IMPDH1: variants seen among roughly 807,000 people sequenced by gnomAD.
IMPDH1 encodes inosine monophosphate dehydrogenase 1, also known as inosine-5'-monophosphate dehydrogenase 1.
A neutral mutation model predicts 73.5 loss-of-function variants in IMPDH1; 41 were observed. The ratio of observed to expected loss-of-function variants is 0.56; its 90% confidence interval spans 0.43 to 0.72. The LOEUF is 0.72. Ranked by LOEUF, IMPDH1 falls within the 30% of genes least tolerant of loss-of-function variation. The probability of loss-of-function intolerance (pLI) is 0.00; values close to 1 mark genes in which losing one functional copy is unlikely to be tolerated. For missense variants in IMPDH1, 645 were observed against 824.8 expected, an observed-to-expected ratio of 0.78 and a Z score of 2.67; for synonymous variants, 318 against 334.3, an observed-to-expected ratio of 0.95 and a Z score of 0.53.
At position 128,400,828 on chromosome 7, in the gene IMPDH1, G is replaced by C; in HGVS notation, c.568C>G (p.Arg190Gly). The change falls in exon 7 of 17, where the codon CGG (arginine) becomes GGG (glycine). Residue 190 changes from arginine (R) to glycine (G), a missense_variant. Arg to Gly is a moderately radical substitution (Grantham distance 125, BLOSUM62 -2). Coordinates refer to ENST00000338791, the MANE Select transcript of IMPDH1 (RefSeq NM_000883.4). ...CTPEFQANEVRKVKKFEQGFI... is the reference protein window; with the variant it reads ...CTPEFQANEVGKVKKFEQGFI... The stretch of plus-strand genomic sequence containing the variant: ...GGCCTGGTACTTGCCTTGACCTTCC[G>C]CACCTCGTTGGCCTGGAACTCTGGG... 6.2e-7 allele frequency: 1 copy of C among 1,614,056 alleles called. No individual in the cohort carries two copies. The highest frequency in any genetic ancestry group is 8.5e-7 in the Non-Finnish European group (1 of 1,179,896).
At chr7:128,399,259 G>A (rs541578734) in intron 9 of IMPDH1, among the ~76,000 whole-genome samples, 7 of 151,642 alleles carry the variant, frequency 4.6e-5, no homozygotes, top group Admixed American at 1.3e-4. Flanking sequence ...CCAACTACTC[G>A]GGAGGCTGAG....
chr7:128,401,945 T>G (rs1050061244), intron 5 of IMPDH1, among the ~76,000 whole-genome samples: 3 of 152,204 alleles, frequency 2.0e-5, no homozygotes, highest in African/African-American at 7.2e-5. Context: ...GTAATTTTTT[T>G]AGATTCAAAG....
chr7:128,401,412 C>T (rs1584738261), intron 5 of IMPDH1, among the ~76,000 whole-genome samples: 1 of 152,140 alleles, frequency 6.6e-6, no homozygotes, highest in Admixed American at 6.5e-5. Flanking sequence ...GGGAGGTGAC[C>T]AGTGGGAGCC....
intron 3 of IMPDH1, among the ~76,000 whole-genome samples, chr7:128,408,653 G>A (rs1014389342): frequency 6.6e-6 from 1 of 152,172 alleles, no homozygotes; most frequent in Non-Finnish European, 1.5e-5. Flanking sequence ...CATGGCTCCG[G>A]CCTGAGCTCT....
intron 5 of IMPDH1, 23 bp from the exon 6 acceptor site, chr7:128,401,139 C>T (rs1333463505): frequency 5.7e-6 from 9 of 1,579,978 alleles, no homozygotes; most frequent in African/African-American, 1.3e-5. Context: ...GCACAGCCCA[C>T]GTAAAGAGTT....
chr7:128,397,762 G>A (rs1006006612), intron 10 of IMPDH1, among the ~76,000 whole-genome samples: 1 of 151,960 alleles, frequency 6.6e-6, no homozygotes. Context: ...GATTCAGTGG[G>A]TACATGTGCT....
At chr7:128,406,904 T>C (rs1798814820) in intron 3 of IMPDH1, among the ~76,000 whole-genome samples, 2 of 152,126 alleles carry the variant, frequency 1.3e-5, no homozygotes, top group South Asian at 4.1e-4. Context: ...AGGGAACTTC[T>C]GAAAAATCCC....
At position 128,398,828 on chromosome 7, in the gene IMPDH1, G is replaced by A. The variant is rs996664874; in HGVS notation, c.875-215C>T. 1.3e-5 allele frequency among the ~76,000 whole-genome samples: 2 copies of A among 152,174 alleles called. No individual in the cohort carries two copies. The highest frequency in any genetic ancestry group is 1.3e-4 in the Admixed American group (2 of 15,288). On this transcript the variant is annotated intron_variant, in intron 9 of 16. Coordinates refer to ENST00000338791, the MANE Select transcript of IMPDH1 (RefSeq NM_000883.4). This position sits in a 1 kb window ranked among gnomAD's most constrained non-coding sequence, Gnocchi z 4.3. ...GCAAAGAAATCTTTCAGCCCAGCAGGTTCCTGGGGGTCTGTGGATGGGCAT... is the reference window on the plus strand; with the variant it reads ...GCAAAGAAATCTTTCAGCCCAGCAGATTCCTGGGGGTCTGTGGATGGGCAT...
chr7:128,394,804 C>T lies in IMPDH1; in HGVS notation c.1550+85G>A. The T allele has an allele frequency of 6.5e-7, 1 of 1,533,208 alleles. No homozygotes were observed. Among genetic ancestry groups the T allele is most frequent in the Non-Finnish European group, 9.0e-7 (1 of 1,114,156 alleles). 95.0% of individuals were successfully genotyped at this position (1,533,208 alleles called of 1,614,324 possible). ...TCCAGAACCACCATATGGGGACTGG[C>T]TGCCATCTGGGGAAGTCGGTGGCAT... is the stretch of plus-strand genomic sequence containing the variant. On this transcript the variant is annotated intron_variant, in intron 14 of 16. Transcript: ENST00000338791. This position sits in a 1 kb window ranked among gnomAD's most constrained non-coding sequence, Gnocchi z 5.5.
chr7:128,397,308 A>G (rs1797992621), intron 10 of IMPDH1, among the ~76,000 whole-genome samples: 1 of 152,182 alleles, frequency 6.6e-6, no homozygotes, highest in South Asian at 2.1e-4. Context: ...GCAAGGAGAC[A>G]CTGCCTGGAG....
chr7:128,409,483 G>A lies in IMPDH1; in HGVS notation c.148C>T (p.Pro50Ser). 6.2e-7 allele frequency: 1 copy of A among 1,614,166 alleles called. No individual in the cohort carries two copies. ...LLQAGYEPESPRLDLATHPTT... is the reference protein window; with the variant it reads ...LLQAGYEPESSRLDLATHPTT... ...GGGTGTGTAGCGAGGTCCAATCTAGGGCTAAGATTTTAGGGAAGGTTTTTA... is the reference window on the plus strand; with the variant it reads ...GGGTGTGTAGCGAGGTCCAATCTAGAGCTAAGATTTTAGGGAAGGTTTTTA... The change falls in exon 2 of 17, where the codon CCT becomes TCT. Residue 50 changes from proline to serine, a missense_variant and splice_region_variant. Pro to Ser is a moderately conservative substitution (Grantham distance 74). Around this residue, in one of 2 missense-constraint regions of IMPDH1, gnomAD observed 186 missense variants for 186.6 expected, o/e 1.00. Transcript: ENST00000338791.
intron 6 of IMPDH1, 47 bp downstream of exon 6, chr7:128,400,968 G>GTCAGT (rs1798294079): frequency 6.3e-7 from 1 of 1,597,414 alleles, no homozygotes; most frequent in Non-Finnish European, 8.6e-7. Context: ...GCCCACCATG[G>GTCAGT]TCAGTTCCTG....
intron 10 of IMPDH1, among the ~76,000 whole-genome samples, 172 bp from the exon 11 acceptor site, chr7:128,397,194 G>GTTTT (rs1797985034): frequency 6.9e-6 from 1 of 145,826 alleles, no homozygotes. Flanking sequence ...ACAACTTTCA[G>GTTTT]TCAATTCTCA....
At position 128,392,689 on chromosome 7, in the gene IMPDH1, C is replaced by T. The variant is rs1797614589; in HGVS notation, c.*318G>A. On this transcript the variant is annotated 3_prime_UTR_variant, in exon 17 of 17. Coordinates refer to ENST00000338791, the MANE Select transcript of IMPDH1 (RefSeq NM_000883.4). ...TACAGGAGAAGCCAGGAGGGGCCGC[C>T]TGCCCCTGGGGTGGGGGCCAGGCTG... The T allele has an allele frequency of 2.6e-6, 1 of 390,084 alleles. No individual in the cohort carries two copies. The allele number at this position is 390,084 out of a possible 1,614,324, so 24.2% of individuals were successfully genotyped here.
rs376832368 is a variant in IMPDH1 at position 128,394,414 on chromosome 7, G to A, written c.1694+42C>T. On this transcript the variant is annotated intron_variant, in intron 15 of 16. Coordinates refer to ENST00000338791, the MANE Select transcript of IMPDH1 (RefSeq NM_000883.4). This position sits in a 1 kb window ranked among gnomAD's most constrained non-coding sequence, Gnocchi z 5.5. ...AGGGCCACCAAGGGTGGAGAAGAGC[G>A]AGAGAAAGGAAGCAGGAGCCACCCC... 5.6e-5 allele frequency: 91 copies of A among 1,613,646 alleles called. No individual in the cohort carries two copies. Among genetic ancestry groups the A allele is most frequent in the Non-Finnish European group, 7.2e-5 (85 of 1,179,768 alleles).
chr7:128,409,898 C>A lies in IMPDH1; in HGVS notation c.4G>T (p.Glu2Ter). 1 of 1,417,712 alleles carries A rather than the reference C, an allele frequency of 7.1e-7. No individual in the cohort carries two copies. Among genetic ancestry groups the A allele is most frequent in the Non-Finnish European group, 9.2e-7 (1 of 1,089,594 alleles). The allele number at this position is 1,417,712 out of a possible 1,614,324, so 87.8% of individuals were successfully genotyped here. Residue 2 changes from glutamate (E) to a stop codon, truncating the protein, a stop_gained, in exon 1 of 17, where the codon GAG becomes TAG. Coordinates refer to ENST00000338791, the MANE Select transcript of IMPDH1 (RefSeq NM_000883.4). LOFTEE classifies it high-confidence loss of function. ...AGCGGTGGTGGAGTGAGTGGCCCCTCCATGCGGAGGCCGCAGCTCAGGGCG... is the reference window on the plus strand; with the variant it reads ...AGCGGTGGTGGAGTGAGTGGCCCCTACATGCGGAGGCCGCAGCTCAGGGCG... The part of the protein sequence containing the change: M[E>*]GPLTPPPLQG...
chr7:128,405,952 G>C (rs1333408735), intron 3 of IMPDH1, 87 bp from the exon 4 acceptor site: 2 of 1,237,190 alleles, frequency 1.6e-6, no homozygotes, highest in Admixed American at 3.8e-5. Context: ...TGCTGACGCC[G>C]CGCCGCGGCC....
rs1221366393 is a variant in IMPDH1, at chr7:128,396,927, C to G, written c.1165+5G>C. On this transcript the variant is annotated splice_donor_5th_base_variant and intron_variant, in intron 11 of 16. Transcript: ENST00000338791. This position sits in a 1 kb window ranked among gnomAD's most constrained non-coding sequence, Gnocchi z 4.0. ...CAGGCGGGTGGGAGGCGACCCCGCA[C>G]TCACCGTTCCCCCCAATCACCTGGA... is the stretch of plus-strand genomic sequence containing the variant. The G allele has an allele frequency of 5.6e-6, 9 of 1,609,868 alleles. No individual in the cohort carries two copies. Among genetic ancestry groups the G allele is most frequent in the Non-Finnish European group, 6.8e-6 (8 of 1,176,698 alleles).
At position 128,400,321 on chromosome 7, in the gene IMPDH1, C is replaced by T; in HGVS notation, c.786+12G>A. On this transcript the variant is annotated intron_variant, in intron 8 of 16. Coordinates refer to ENST00000338791, the MANE Select transcript of IMPDH1 (RefSeq NM_000883.4). ...TCTACACCCAGCCCTGCTTCCCCTGCCCTGCAGGTACCTCACTGAGGAGGG... is the reference window on the plus strand; with the variant it reads ...TCTACACCCAGCCCTGCTTCCCCTGTCCTGCAGGTACCTCACTGAGGAGGG... 1 of 1,613,008 alleles carries T rather than the reference C, an allele frequency of 6.2e-7. No individual in the cohort carries two copies. Among genetic ancestry groups the T allele is most frequent in the Admixed American group, 1.7e-5 (1 of 59,858 alleles).
Sources: allele counts gnomAD v4.1 joint callset (sites outside exome capture counted in the v4.1 genomes callset), GRCh38; gene constraint gnomAD v4.1.1; regional missense constraint gnomAD v4.1.1; non-coding constraint Gnocchi (gnomAD v3.1); transcripts MANE v1.5; gene names NCBI Gene and HGNC (gene_info 2026-07-23, HGNC 2026-07-21).